The following MAPRE2 variants were observed in gnomAD, a reference collection of about 807,000 sequenced individuals.
MAPRE2 encodes the protein microtubule associated protein RP/EB family member 2.
In MAPRE2, 13 loss-of-function variants were observed where a neutral mutation model predicts 43.2. The ratio of observed to expected loss-of-function variants is 0.30; its 90% CI spans 0.20 to 0.48. The LOEUF (loss-of-function observed/expected upper bound fraction) is 0.48, where lower values mean the gene tolerates loss of function less well. Among genes scored for constraint, MAPRE2 ranks in the 20% least tolerant of loss-of-function variants. MAPRE2 has a pLI of 0.99. For synonymous variants in MAPRE2, 135 were observed against 148.8 expected (o/e 0.91, Z 0.68); for missense variants, 161 against 400.2 (o/e 0.40, Z 5.10).
intron 2 of MAPRE2, among the ~76,000 whole-genome samples, chr18:35,018,595 T>G (rs2150586506): frequency 6.6e-6 from 1 of 152,094 alleles, no homozygotes; most frequent in African/African-American, 2.4e-5. Flanking sequence ...TCCTCTAGAT[T>G]TTCTAGTTTG....
At chr18:35,054,496 A>G (rs1190859124) in intron 1 of MAPRE2, among the ~76,000 whole-genome samples, 3 of 152,176 alleles carry the variant, frequency 2.0e-5, no homozygotes, top group African/African-American at 4.8e-5. Context: ...CGCTGCCTCC[A>G]TGGTGGCGGC....
At chr18:35,113,159 A>AT (rs1909257820) in intron 4 of MAPRE2, among the ~76,000 whole-genome samples, 1 of 152,226 alleles carries the variant, frequency 6.6e-6, no homozygotes, top group African/African-American at 2.4e-5. Flanking sequence ...TCTTATGATG[A>AT]TAAAAACCCC....
intron 6 of MAPRE2, among the ~76,000 whole-genome samples, chr18:35,138,017 T>C (rs937557968): frequency 6.6e-6 from 1 of 152,176 alleles, no homozygotes; most frequent in Non-Finnish European, 1.5e-5. Flanking sequence ...CTGTTTCTTG[T>C]CCTGCGCTGG....
At chr18:35,052,208 A>T (rs112914619) in intron 1 of MAPRE2, among the ~76,000 whole-genome samples, 3 of 151,994 alleles carry the variant, frequency 2.0e-5, no homozygotes, top group Non-Finnish European at 2.9e-5. Context: ...CCCCCAAAAG[A>T]CTCCTTGTAC....
intron 2 of MAPRE2, among the ~76,000 whole-genome samples, chr18:35,036,154 C>A (rs59011855): frequency 0.01 from 1,543 of 151,986 alleles, 31 homozygotes; most frequent in African/African-American, 0.035. Flanking sequence ...TCAAGCCATA[C>A]ACTTGGGATT....
chr18:35,033,172 G>A (rs2097048656), intron 2 of MAPRE2, among the ~76,000 whole-genome samples: 1 of 152,146 alleles, frequency 6.6e-6, no homozygotes, highest in African/African-American at 2.4e-5. Context: ...CCATGATCAA[G>A]TGGGCTTCAT....
chr18:34,994,940 C>T (rs2097025711), intron 1 of MAPRE2, among the ~76,000 whole-genome samples: 1 of 152,166 alleles, frequency 6.6e-6, no homozygotes. Context: ...GTTGAATTCT[C>T]AGGGTAGCCC....
At chr18:35,028,948 T>C (rs1025813802) in intron 2 of MAPRE2, among the ~76,000 whole-genome samples, 3 of 152,110 alleles carry the variant, frequency 2.0e-5, no homozygotes, top group Admixed American at 6.5e-5. Context: ...CCTCTGGTTT[T>C]CCTAGGGGGC....
intron 4 of MAPRE2, among the ~76,000 whole-genome samples, chr18:35,110,623 G>T (rs1466940743): frequency 6.6e-6 from 1 of 152,070 alleles, no homozygotes; most frequent in East Asian, 1.9e-4. Context: ...TTCTTATCCT[G>T]CAGGTCCAGT....
intron 1 of MAPRE2, among the ~76,000 whole-genome samples, chr18:35,069,850 A>G (rs1056377871): frequency 1.3e-5 from 2 of 151,904 alleles, no homozygotes; most frequent in Non-Finnish European, 2.9e-5. Context: ...TGAAACTAAC[A>G]GATTACTCTG....
intron 2 of MAPRE2, among the ~76,000 whole-genome samples, chr18:35,085,611 A>G (rs1023874100): frequency 6.6e-6 from 1 of 152,238 alleles, no homozygotes; most frequent in Non-Finnish European, 1.5e-5. Context: ...TAACTATGAC[A>G]AAAGCCAGTG....
At chr18:34,993,001 C>T (rs56923399) in intron 1 of MAPRE2, among the ~76,000 whole-genome samples, 5,713 of 152,206 alleles carry the variant, frequency 0.038, 135 homozygotes, top group African/African-American at 0.039. Flanking sequence ...ACTGATGGAG[C>T]CCAGGAGTGA....
chr18:35,064,542 T>C (rs908462749), intron 1 of MAPRE2, among the ~76,000 whole-genome samples: 6 of 152,174 alleles, frequency 3.9e-5, no homozygotes, highest in African/African-American at 1.4e-4. Context: ...TGCTTAATTT[T>C]GAAGAGCCAC....
chr18:35,015,612 G>C (rs1345016018), intron 2 of MAPRE2, among the ~76,000 whole-genome samples: 2 of 149,760 alleles, frequency 1.3e-5, no homozygotes, highest in African/African-American at 4.9e-5. Context: ...TACACAGTTG[G>C]TGGGTGTGTA....
At chr18:35,052,097 G>T (rs1905967043) in intron 1 of MAPRE2, among the ~76,000 whole-genome samples, 1 of 152,068 alleles carries the variant, frequency 6.6e-6, no homozygotes, top group Admixed American at 6.6e-5. Flanking sequence ...AAGAATTTAT[G>T]TACAGTAAAC....
intron 1 of MAPRE2, among the ~76,000 whole-genome samples, chr18:34,993,378 C>T (rs1299723031): frequency 6.6e-6 from 1 of 150,644 alleles, no homozygotes; most frequent in African/African-American, 2.4e-5. Context: ...GTTGGGATTA[C>T]AGGCATGAGC....
intron 2 of MAPRE2, among the ~76,000 whole-genome samples, chr18:35,030,447 T>C (rs2097047297): frequency 6.6e-6 from 1 of 152,208 alleles, no homozygotes; most frequent in Admixed American, 6.5e-5. Flanking sequence ...AATGACATGT[T>C]TGACATCTGG....
chr18:35,100,848 C>T (rs1278666580), intron 3 of MAPRE2, among the ~76,000 whole-genome samples: 1 of 152,110 alleles, frequency 6.6e-6, no homozygotes, highest in Non-Finnish European at 1.5e-5. Flanking sequence ...CAAGTCCAGT[C>T]TGGCCAACAT....
intron 2 of MAPRE2, among the ~76,000 whole-genome samples, chr18:35,017,236 G>A (rs1407072527): frequency 6.4e-5 from 5 of 78,534 alleles, no homozygotes; most frequent in Non-Finnish European, 1.3e-4. Context: ...GATGCCTCCG[G>A]TTTTGTTGTT....
Sources: allele counts gnomAD v4.1 joint callset (sites outside exome capture counted in the v4.1 genomes callset), GRCh38; gene constraint gnomAD v4.1.1; transcripts MANE v1.5; gene names NCBI Gene and HGNC (gene_info 2026-07-23, HGNC 2026-07-21).